RNF135: variants seen among roughly 807,000 people sequenced by gnomAD.
RNF135 encodes the protein E3 ubiquitin-protein ligase RNF135.
In RNF135, 46 loss-of-function variants were observed where a neutral mutation model predicts 41.9. The observed-to-expected ratio is 1.10, with a 90% CI of 0.87 to 1.40. RNF135 has a LOEUF of 1.40. Among genes scored for constraint, RNF135 ranks in the 40% most tolerant of loss-of-function variants. The pLI is 0.00. For synonymous variants in RNF135, 238 were observed against 223.8 expected, an observed-to-expected ratio of 1.06 and a Z score of -0.57; for missense variants, 539 against 549.8, an observed-to-expected ratio of 0.98 and a Z score of 0.20.
intron 1 of RNF135, among the ~76,000 whole-genome samples, chr17:30,973,800 G>A (rs951397797): frequency 1.6e-4 from 24 of 152,228 alleles, no homozygotes; most frequent in African/African-American, 5.8e-4. Flanking sequence ...CTTACGTTTA[G>A]GTAATTGGTC....
intron 2 of RNF135, among the ~76,000 whole-genome samples, chr17:30,986,033 A>T (rs1907557348): frequency 6.6e-6 from 1 of 152,094 alleles, no homozygotes; most frequent in South Asian, 2.1e-4. Flanking sequence ...GCCTTCAATG[A>T]TTTCCTTGAA....
At chr17:30,993,142 C>T (rs1908105627) in intron 3 of RNF135, among the ~76,000 whole-genome samples, 2 of 151,442 alleles carry the variant, frequency 1.3e-5, no homozygotes, top group South Asian at 4.2e-4. Context: ...CTCACCACAA[C>T]CTCCGCCTCC....
At chr17:30,965,237 T>G in the RNF135 span, 2 of 151,996 alleles carry the variant, frequency 1.3e-5, no homozygotes, top group Non-Finnish European at 2.9e-5. Context: ...TCCCAGCTAT[T>G]TGTGGGACTG....
chr17:30,999,458 GA>G lies in RNF135; in HGVS notation c.*269del, dbSNP rs903637739. The G allele has an allele frequency of 1.5e-5, 7 of 473,670 alleles. No individual in the cohort carries two copies. The highest frequency in any genetic ancestry group is 9.8e-5 in the African/African-American group (5 of 51,158). 29.3% of individuals were successfully genotyped at this position (473,670 alleles called of 1,614,324 possible). A position where few individuals can be genotyped will look rare whatever the true frequency, so the allele number is the denominator to read the frequency against. On this transcript the variant is annotated 3_prime_UTR_variant, in exon 5 of 5. Coordinates refer to ENST00000328381, the MANE Select transcript of RNF135 (RefSeq NM_032322.4). ...TTAATCCTTTTGTGTGATACAGGAT[GA>G]ACTTGGGATGTTTGAACCCTGGACA...
At chr17:30,984,385 A>C (rs568135815) in intron 1 of RNF135, among the ~76,000 whole-genome samples, 5 of 152,236 alleles carry the variant, frequency 3.3e-5, no homozygotes, top group Admixed American at 6.5e-5. Context: ...CAGTTTTCAC[A>C]GTACAATTTG....
At chr17:30,971,670 C>T in intron 1 of RNF135, 3 of 1,346,714 alleles carry the variant, frequency 2.2e-6, no homozygotes, top group Admixed American at 7.9e-5. Context: ...GTCAACTTAG[C>T]TGTTACACAG....
At position 30,971,098 on chromosome 17, in the gene RNF135, G is replaced by T. The variant is rs758134626; in HGVS notation, c.25G>T (p.Ala9Ser). 4 of 1,534,212 alleles carry T rather than the reference G, an allele frequency of 2.6e-6. No individual in the cohort carries two copies. Among genetic ancestry groups the T allele is most frequent in the Non-Finnish European group, 3.5e-6 (4 of 1,146,128 alleles). The part of the protein sequence containing the change: MAGLGLGS[A>S]VPVWLAEDDL... The stretch of plus-strand genomic sequence containing the variant: ...CATGGCGGGCCTGGGCCTGGGCTCC[G>T]CCGTTCCCGTGTGGCTGGCCGAGGA... The change falls in exon 1 of 5, where the codon GCC becomes TCC. Residue 9 changes from alanine to serine, a missense_variant. Around this residue, in one of 2 missense-constraint regions of RNF135, gnomAD observed 277 missense variants for 212.8 expected, o/e 1.30. Transcript: ENST00000328381.
intron 1 of RNF135, among the ~76,000 whole-genome samples, chr17:30,982,640 C>T (rs1477623458): frequency 6.6e-6 from 1 of 152,106 alleles, no homozygotes; most frequent in East Asian, 1.9e-4. Flanking sequence ...ATTTGGTGTT[C>T]TTGTGGGAGG....
At chr17:30,988,847 T>C (rs1477237338) in intron 3 of RNF135, among the ~76,000 whole-genome samples, 1 of 149,540 alleles carries the variant, frequency 6.7e-6, no homozygotes, top group Non-Finnish European at 1.5e-5. Context: ...AGTGGTGCGA[T>C]CTTGGCCAGA....
rs1161901748 is a variant in RNF135, at chr17:30,978,193, A to G, written c.373-6424A>G. ...AACCTTAACCTTTGGGAGTTTTATTATAAATGCCTTCACATAGTCTTCTTT... is the reference window on the plus strand; with the variant it reads ...AACCTTAACCTTTGGGAGTTTTATTGTAAATGCCTTCACATAGTCTTCTTT... On this transcript the variant is annotated intron_variant, in intron 1 of 4. Transcript: ENST00000328381. Among the ~76,000 whole-genome samples the G allele has an allele frequency of 3.3e-5, 5 of 152,116 alleles. No homozygotes were observed. In the East Asian group the frequency reaches 9.6e-4, roughly 29 times the overall value.
chr17:30,969,262 CG>C (rs1389352819), upstream of RNF135: 3 of 152,064 alleles, frequency 2.0e-5, no homozygotes, highest in Non-Finnish European at 2.9e-5. Context: ...GTATCATGCC[CG>C]TTTTACAGAA....
intron 3 of RNF135, among the ~76,000 whole-genome samples, chr17:30,993,248 A>C (rs1908113836): frequency 6.6e-6 from 1 of 152,052 alleles, no homozygotes; most frequent in South Asian, 2.1e-4. Context: ...TTTAGTAGAG[A>C]TGGGGTTTCG....
chr17:30,995,014 C>T (rs1908244563), intron 3 of RNF135, among the ~76,000 whole-genome samples: 1 of 151,998 alleles, frequency 6.6e-6, no homozygotes, highest in Non-Finnish European at 1.5e-5. Context: ...ACAACTATGG[C>T]TCACTGTAAC....
the RNF135 span, among the ~76,000 whole-genome samples, chr17:30,963,827 G>C: frequency 3.3e-5 from 5 of 152,024 alleles, no homozygotes; most frequent in African/African-American, 1.2e-4. Flanking sequence ...AGAAAAAAAT[G>C]GGGTGAGGCC....
chr17:30,969,787 C>T (rs1332122493), upstream of RNF135, among the ~76,000 whole-genome samples: 1 of 113,594 alleles, frequency 8.8e-6, no homozygotes, highest in Non-Finnish European at 1.8e-5. Flanking sequence ...TTTTTTGAGA[C>T]GGAGTCTCCC....
At chr17:30,986,713 C>G (rs971242533) in intron 2 of RNF135, among the ~76,000 whole-genome samples, 4 of 152,194 alleles carry the variant, frequency 2.6e-5, no homozygotes, top group Non-Finnish European at 4.4e-5. Context: ...TTTCATCTAT[C>G]TGCGTCTCAG....
At chr17:30,964,611 A>G in the RNF135 span, among the ~76,000 whole-genome samples, 1 of 151,868 alleles carries the variant, frequency 6.6e-6, no homozygotes, top group Non-Finnish European at 1.5e-5. Context: ...CTCAAAACAA[A>G]CAAACAAAAA....
chr17:30,979,853 G>A (rs1161924737), intron 1 of RNF135, among the ~76,000 whole-genome samples: 7 of 123,864 alleles, frequency 5.7e-5, no homozygotes, highest in African/African-American at 9.2e-5. Flanking sequence ...TGGCCAGGCG[G>A]GGGGGCTGAC....
At chr17:30,969,120 C>T (rs1905682115), upstream of RNF135, 1 of 152,084 alleles carries the variant, frequency 6.6e-6, no homozygotes, top group Non-Finnish European at 1.5e-5. Context: ...TCAGGCAGGT[C>T]TCGAACTCCT....
Sources: gnomAD v4.1 joint callset for allele counts (sites outside exome capture counted in the v4.1 genomes callset) on GRCh38, gnomAD v4.1.1 for gene constraint, gnomAD v4.1.1 regional missense constraint, MANE v1.5 for transcripts, NCBI Gene and HGNC (gene_info 2026-07-23, HGNC 2026-07-21) for gene names.